Variants in CDH23 observed in about 807,000 individuals in gnomAD.
CDH23 encodes the protein cadherin-23.
A neutral mutation model predicts 317.1 loss-of-function variants in CDH23; 189 were observed. That is an observed-to-expected ratio of 0.60 (90% confidence interval 0.53 to 0.67). The LOEUF is 0.67. Ranked by LOEUF, CDH23 falls within the 30% of genes least tolerant of loss-of-function variation. CDH23 has a pLI of 0.00. For synonymous variants in CDH23, 1,839 were observed against 1,876.8 expected (o/e 0.98, Z 0.52); for missense variants, 4,401 against 4,592.4 (o/e 0.96, Z 1.20).
rs2133019076 is a variant in CDH23, at chr10:71,815,383, G to A, written c.*105G>A. ...GTCGGGGGGGACCCTCCAAGGCCAG[G>A]CCTTGGGGACAACCTTGGCTTGGCC... On this transcript the variant is annotated 3_prime_UTR_variant, in exon 70 of 70. Transcript: ENST00000224721. 3 of 1,136,542 alleles carry A rather than the reference G, an allele frequency of 2.6e-6. No individual in the cohort carries two copies. Among genetic ancestry groups the A allele is most frequent in the East Asian group, 2.6e-5 (1 of 38,098 alleles). 70.4% of individuals were successfully genotyped at this position (1,136,542 alleles called of 1,614,324 possible). A position where few individuals can be genotyped will look rare whatever the true frequency, so the allele number is the denominator to read the frequency against.
chr10:71,642,909 G>A (rs1376918957), intron 11 of CDH23, among the ~76,000 whole-genome samples: 1 of 152,210 alleles, frequency 6.6e-6, no homozygotes, highest in African/African-American at 2.4e-5. Flanking sequence ...TTCACCACCT[G>A]AGGCATGGTC....
intron 7 of CDH23, among the ~76,000 whole-genome samples, chr10:71,567,554 C>T (rs1857479979): frequency 1.3e-5 from 2 of 152,242 alleles, no homozygotes; most frequent in African/African-American, 2.4e-5. Flanking sequence ...TTGAGGGTCA[C>T]ACAGCCCATG....
chr10:71,666,465 T>C (rs1218343996), intron 14 of CDH23, among the ~76,000 whole-genome samples: 2 of 152,136 alleles, frequency 1.3e-5, no homozygotes, highest in African/African-American at 4.8e-5. Flanking sequence ...ATAAAGGCAC[T>C]CAGAGAGCAG....
At chr10:71,495,505 G>A (rs1253289056) in intron 3 of CDH23, among the ~76,000 whole-genome samples, 1 of 152,134 alleles carries the variant, frequency 6.6e-6, no homozygotes, top group Non-Finnish European at 1.5e-5. Flanking sequence ...ATCAGGCCTT[G>A]AGTCCCAAAT....
At chr10:71,473,958 G>A (rs1179786087) in intron 3 of CDH23, among the ~76,000 whole-genome samples, 1 of 152,240 alleles carries the variant, frequency 6.6e-6, no homozygotes, top group South Asian at 2.1e-4. Context: ...AGCTGGCGCC[G>A]ACGTCTTTAT....
At chr10:71,665,339 A>G (rs1863840797) in intron 14 of CDH23, among the ~76,000 whole-genome samples, 1 of 151,290 alleles carries the variant, frequency 6.6e-6, no homozygotes, top group South Asian at 2.1e-4. Flanking sequence ...ACTGCCTCCC[A>G]CTACCCCTGT....
At chr10:71,668,312 C>A (rs981308669) in intron 14 of CDH23, among the ~76,000 whole-genome samples, 5 of 152,246 alleles carry the variant, frequency 3.3e-5, no homozygotes, top group South Asian at 4.1e-4. Context: ...CCTGTGGGGG[C>A]CCATCGGTCT....
chr10:71,618,500 T>C (rs1589267552), intron 11 of CDH23, among the ~76,000 whole-genome samples: 1 of 152,278 alleles, frequency 6.6e-6, no homozygotes, highest in East Asian at 1.9e-4. Context: ...GCCATGCTAA[T>C]AGGACTTCTA....
At chr10:71,643,927 G>A (rs1232380624) in intron 12 of CDH23, 61 bp downstream of exon 12, 1 of 764,492 alleles carries the variant, frequency 1.3e-6, no homozygotes, top group Non-Finnish European at 2.4e-6. Context: ...GGGCACAGTG[G>A]GGAGGGGCTT....
intron 6 of CDH23, among the ~76,000 whole-genome samples, chr10:71,517,558 TG>T (rs11387932): frequency 6.6e-6 from 1 of 151,938 alleles, no homozygotes. Context: ...AGCGAGAAGC[TG>T]GGGGGGAGAT....
chr10:71,506,118 G>C (rs1325013585), intron 3 of CDH23, among the ~76,000 whole-genome samples: 4 of 152,216 alleles, frequency 2.6e-5, no homozygotes, highest in African/African-American at 9.6e-5. Context: ...TTGGCTAAGT[G>C]AAAGAGGTCA....
At chr10:71,707,099 TC>T (rs1053514655) in intron 26 of CDH23, 50 bp downstream of exon 26, 1 of 1,570,232 alleles carries the variant, frequency 6.4e-7, no homozygotes, top group Non-Finnish European at 8.6e-7. Context: ...GGGCCCTGCC[TC>T]CACCCCTCCC....
chr10:71,801,917 C>T (rs1369122493), intron 53 of CDH23, among the ~76,000 whole-genome samples: 1 of 152,236 alleles, frequency 6.6e-6, no homozygotes, highest in Non-Finnish European at 1.5e-5. Context: ...CCTCTCTGAG[C>T]CTCCATTGTC....
At chr10:71,583,019 G>A (rs1321140876) in intron 9 of CDH23, among the ~76,000 whole-genome samples, 1 of 152,214 alleles carries the variant, frequency 6.6e-6, no homozygotes, top group Non-Finnish European at 1.5e-5. Context: ...TAAGAAGGGA[G>A]AAAAGATCCT....
intron 14 of CDH23, among the ~76,000 whole-genome samples, chr10:71,661,925 C>T (rs1417717125): frequency 4.2e-5 from 6 of 143,114 alleles, no homozygotes; most frequent in Admixed American, 1.4e-4. Flanking sequence ...CCACCCTGCG[C>T]GCCTCCTCAC....
chr10:71,795,485 T>G (rs1208842148), intron 48 of CDH23: 3 of 152,552 alleles, frequency 2.0e-5, no homozygotes, highest in Admixed American at 6.5e-5. Flanking sequence ...TTCTCTTTCC[T>G]GTTCCCCCTT....
At chr10:71,497,694 C>G (rs1230030756) in intron 3 of CDH23, among the ~76,000 whole-genome samples, 1 of 152,116 alleles carries the variant, frequency 6.6e-6, no homozygotes, top group Non-Finnish European at 1.5e-5. Flanking sequence ...TCGTAGATAT[C>G]TAAACTGGAA....
In CDH23 at chr10:71,790,453, T is replaced by TG. The variant is rs751690295; in HGVS notation, c.6049+44dup. 4 of 1,604,656 alleles carry TG rather than the reference T, an allele frequency of 2.5e-6. No individual in the cohort carries two copies. In the East Asian group the frequency reaches 8.9e-5, roughly 36 times the overall value. Reference sequence around the variant, plus strand: ...CCACCCAGCACTCCCAGCCTGATTCTGGGGTGGGGATGGCCACACTGCTGG... The same window carrying TG: ...CCACCCAGCACTCCCAGCCTGATTCTGGGGGTGGGGATGGCCACACTGCTGG... On this transcript the variant is annotated intron_variant, in intron 46 of 69. Transcript: ENST00000224721.
chr10:71,800,473 G>A (rs1383954856), intron 52 of CDH23, among the ~76,000 whole-genome samples, 163 bp from the exon 53 acceptor site: 12 of 152,188 alleles, frequency 7.9e-5, no homozygotes, highest in Admixed American at 7.9e-4. Flanking sequence ...GGTAGTGAGA[G>A]CAAGAAGAGC....
Sources: allele counts gnomAD v4.1 joint callset (sites outside exome capture counted in the v4.1 genomes callset), GRCh38; gene constraint gnomAD v4.1.1; transcripts MANE v1.5; gene names NCBI Gene and HGNC (gene_info 2026-07-23, HGNC 2026-07-21).